The following ZBTB20 variants were observed in gnomAD, a reference collection of about 807,000 sequenced individuals.
The protein encoded by ZBTB20 is zinc finger and BTB domain-containing protein 20.
Under a neutral mutation model 56.9 loss-of-function variants are expected in ZBTB20, and 9 were observed. That is an observed-to-expected ratio of 0.16 (90% CI 0.10 to 0.28). The LOEUF (loss-of-function observed/expected upper bound fraction) is 0.28, where lower values mean the gene tolerates loss of function less well. Ranked by LOEUF, ZBTB20 falls within the 10% of genes least tolerant of loss-of-function variation. The probability of loss-of-function intolerance (pLI) is 1.00; values close to 1 mark genes in which losing one functional copy is unlikely to be tolerated. For missense variants in ZBTB20, 655 were observed against 1,003.0 expected, an observed-to-expected ratio of 0.65 and a Z score of 4.69; for synonymous variants, 417 against 420.7, an observed-to-expected ratio of 0.99 and a Z score of 0.11.
intron 7 of ZBTB20, among the ~76,000 whole-genome samples, chr3:114,391,709 T>C (rs1249889980): frequency 6.6e-6 from 1 of 152,184 alleles, no homozygotes; most frequent in Non-Finnish European, 1.5e-5. Flanking sequence ...CCCTCTTGCC[T>C]TGAGTCATAG....
chr3:114,436,759 A>G (rs2090546075), intron 7 of ZBTB20, among the ~76,000 whole-genome samples: 1 of 152,150 alleles, frequency 6.6e-6, no homozygotes, highest in South Asian at 2.1e-4. Flanking sequence ...ATGTGTGATT[A>G]CAGCAAAGAC....
chr3:114,874,103 C>G (rs2076107167), intron 4 of ZBTB20: 1 of 152,078 alleles, frequency 6.6e-6, no homozygotes, highest in African/African-American at 2.4e-5. Flanking sequence ...TGTGCTTAGA[C>G]ATAGGCTTAA....
chr3:115,089,700 A>G (rs1277744004), intron 1 of ZBTB20, among the ~76,000 whole-genome samples: 1 of 151,768 alleles, frequency 6.6e-6, no homozygotes, highest in East Asian at 1.9e-4. Flanking sequence ...TTTTTTCTGT[A>G]AGCTTCAGTT....
intron 6 of ZBTB20, among the ~76,000 whole-genome samples, chr3:114,651,003 C>G (rs2060099719): frequency 6.6e-6 from 1 of 151,860 alleles, no homozygotes; most frequent in South Asian, 2.1e-4. Context: ...TGAGTCAGCT[C>G]GTTTGATGGA....
chr3:114,815,605 G>C (rs940901892), intron 4 of ZBTB20, among the ~76,000 whole-genome samples: 4 of 152,122 alleles, frequency 2.6e-5, no homozygotes, highest in African/African-American at 4.8e-5. Flanking sequence ...AATTGATCAA[G>C]TACTATCATA....
intron 6 of ZBTB20, among the ~76,000 whole-genome samples, chr3:114,644,287 A>C (rs1330611874): frequency 6.6e-6 from 1 of 152,120 alleles, no homozygotes; most frequent in Non-Finnish European, 1.5e-5. Flanking sequence ...TTAGAAATCT[A>C]TTGGTATTAT....
chr3:114,589,819 G>A (rs762551703), intron 6 of ZBTB20, among the ~76,000 whole-genome samples: 3 of 152,104 alleles, frequency 2.0e-5, no homozygotes, highest in Non-Finnish European at 2.9e-5. Context: ...AGACCTGGGG[G>A]TAAATATGTA....
At chr3:114,761,729 G>C (rs2068455955) in intron 5 of ZBTB20, among the ~76,000 whole-genome samples, 1 of 151,914 alleles carries the variant, frequency 6.6e-6, no homozygotes, top group Non-Finnish European at 1.5e-5. Flanking sequence ...ATCTACTTGG[G>C]GGGCTGAGGT....
chr3:114,547,422 T>C (rs2050023934), intron 6 of ZBTB20, among the ~76,000 whole-genome samples: 1 of 152,094 alleles, frequency 6.6e-6, no homozygotes, highest in South Asian at 2.1e-4. Context: ...TGAAGAGATA[T>C]TACTGGGTGA....
At chr3:114,503,861 G>C (rs1438374059) in intron 6 of ZBTB20, among the ~76,000 whole-genome samples, 1 of 152,130 alleles carries the variant, frequency 6.6e-6, no homozygotes, top group Non-Finnish European at 1.5e-5. Flanking sequence ...TTCTAGTGTA[G>C]TTTATGTAAA....
intron 7 of ZBTB20, among the ~76,000 whole-genome samples, chr3:114,437,987 T>C (rs2090630766): frequency 6.6e-6 from 1 of 152,112 alleles, no homozygotes; most frequent in South Asian, 2.1e-4. Context: ...GTGGCAGGCA[T>C]TAGTGTGTTT....
chr3:114,619,564 T>C (rs1478841390), intron 6 of ZBTB20, among the ~76,000 whole-genome samples: 1 of 152,158 alleles, frequency 6.6e-6, no homozygotes, highest in Non-Finnish European at 1.5e-5. Flanking sequence ...GATGTGATTC[T>C]TGTCAGCACA....
chr3:114,452,513 C>CAT (rs2091685053), intron 7 of ZBTB20, among the ~76,000 whole-genome samples: 1 of 152,128 alleles, frequency 6.6e-6, no homozygotes, highest in African/African-American at 2.4e-5. Flanking sequence ...GCAACACATA[C>CAT]ATAGTAAGGT....
At chr3:115,000,913 T>C (rs751370755) in intron 2 of ZBTB20, among the ~76,000 whole-genome samples, 1 of 151,454 alleles carries the variant, frequency 6.6e-6, no homozygotes, top group Non-Finnish European at 1.5e-5. Context: ...AGGAAAACAC[T>C]ATAAACTTCT....
At chr3:114,788,088 A>T (rs939432386) in intron 5 of ZBTB20, among the ~76,000 whole-genome samples, 1 of 152,168 alleles carries the variant, frequency 6.6e-6, no homozygotes, top group South Asian at 2.1e-4. Context: ...AAATCTAATG[A>T]TTCTGTGAAC....
At position 114,350,403 on chromosome 3, in the gene ZBTB20, G is replaced by T. The variant is rs750251030; in HGVS notation, c.1675C>A (p.Pro559Thr). The change falls in exon 11 of 12, where the codon CCC (proline) becomes ACC (threonine). Residue 559 changes from proline to threonine, a missense_variant. This residue lies in a region of ZBTB20 where 71 missense variants were observed against 89.4 expected (regional missense o/e 0.79). Coordinates refer to ENST00000675478, the MANE Select transcript of ZBTB20 (RefSeq NM_001348800.3). ...CTGTGGCCTGCGGATGAGGCCAGGG[G>T]CTGTGGCGCTGGCAGCTGTGCAGTA... ...TFTAQLPAPQ[P>T]LASSAGHSTA... The T allele has an allele frequency of 6.2e-6, 10 of 1,614,088 alleles. 1 individual carries two copies. In the South Asian group the frequency reaches 1.1e-4, roughly 18 times the overall value.
chr3:114,441,523 G>A (rs952690150), intron 7 of ZBTB20, among the ~76,000 whole-genome samples: 2 of 152,036 alleles, frequency 1.3e-5, no homozygotes, highest in African/African-American at 2.4e-5. Flanking sequence ...GAATGTCCCT[G>A]TACCCGTCAG....
chr3:114,998,764 G>C (rs1414842502), intron 2 of ZBTB20, among the ~76,000 whole-genome samples: 1 of 151,498 alleles, frequency 6.6e-6, no homozygotes, highest in African/African-American at 2.4e-5. Context: ...GAAGTGGCTT[G>C]GATGTGCTAA....
At chr3:114,925,676 G>A (rs545681797) in intron 3 of ZBTB20, among the ~76,000 whole-genome samples, 13 of 151,918 alleles carry the variant, frequency 8.6e-5, no homozygotes, top group South Asian at 8.4e-4. Flanking sequence ...ACAGGCGCCC[G>A]CCACCACACC....
Sources: allele counts gnomAD v4.1 joint callset (sites outside exome capture counted in the v4.1 genomes callset), GRCh38; gene constraint gnomAD v4.1.1; regional missense constraint gnomAD v4.1.1; transcripts MANE v1.5; gene names NCBI Gene and HGNC (gene_info 2026-07-23, HGNC 2026-07-21).